KCNN2: variants seen among roughly 807,000 people sequenced by gnomAD.
KCNN2 encodes the protein small conductance calcium-activated potassium channel protein 2.
KCNN2 carries 24 observed loss-of-function variants against 55.5 expected under a neutral mutation model. The observed-to-expected ratio is 0.43, with a 90% CI of 0.31 to 0.61. The LOEUF is 0.61. Among genes scored for constraint, KCNN2 ranks in the 20% least tolerant of loss-of-function variants. The pLI is 0.08. For missense variants in KCNN2, 754 were observed against 853.6 expected (o/e 0.88, Z 1.45); for synonymous variants, 431 against 336.1 (o/e 1.28, Z -3.09).
In KCNN2 at chr5:114,285,525, A is replaced by G. The variant is rs6896550; in HGVS notation, c.-185+63960A>G. ...CATTTCTTGGAAATCCTTAAGTGCC[A>G]TACCAAGGAACCTGGATTGTCTCCT... On this transcript the variant is annotated intron_variant, in intron 2 of 10. Transcript: ENST00000512097. Among the ~76,000 whole-genome samples, 774 of 152,298 alleles carry G rather than the reference A, an allele frequency of 5.1e-3. 13 individuals are homozygous for G. The highest frequency in any genetic ancestry group is 0.016 in the African/African-American group (684 of 41,570).
At chr5:114,281,591 GTCTC>G (rs146112749) in intron 2 of KCNN2, among the ~76,000 whole-genome samples, 89 of 147,178 alleles carry the variant, frequency 6.0e-4, no homozygotes, top group African/African-American at 1.8e-3. Flanking sequence ...GTCAATCTCT[GTCTC>G]TCTCTCTCTC....
At chr5:114,212,015 TG>T (rs1192733581) in intron 1 of KCNN2, among the ~76,000 whole-genome samples, 1 of 151,516 alleles carries the variant, frequency 6.6e-6, no homozygotes, top group African/African-American at 2.4e-5. Context: ...TATATGAGCA[TG>T]TACTTATTAC....
intron 1 of KCNN2, chr5:114,056,534 C>A (rs1350534419): frequency 2.5e-6 from 1 of 397,460 alleles, no homozygotes; most frequent in Non-Finnish European, 4.4e-6. Flanking sequence ...TTGACTAGGG[C>A]CACAGATTTA....
At chr5:114,381,471 G>A (rs1758123860) in intron 2 of KCNN2, among the ~76,000 whole-genome samples, 2 of 152,150 alleles carry the variant, frequency 1.3e-5, no homozygotes, top group African/African-American at 4.8e-5. Context: ...TTTTAGGAGA[G>A]CCATGAGAAT....
At chr5:114,234,497 T>C (rs62382885) in intron 2 of KCNN2, among the ~76,000 whole-genome samples, 13,121 of 152,318 alleles carry the variant, frequency 0.086, 663 homozygotes, top group Middle Eastern at 0.14. Context: ...TATCCCATTA[T>C]ATTGAACTAA....
chr5:114,338,609 A>G (rs957682091), intron 2 of KCNN2, among the ~76,000 whole-genome samples: 3 of 152,354 alleles, frequency 2.0e-5, no homozygotes, highest in Middle Eastern at 3.4e-3. Context: ...ATTATTCTAC[A>G]TCACCATATG....
chr5:114,398,264 A>T (rs1309892257), intron 2 of KCNN2, among the ~76,000 whole-genome samples: 1 of 152,188 alleles, frequency 6.6e-6, no homozygotes, highest in African/African-American at 2.4e-5. Flanking sequence ...CGGTTTTCCC[A>T]GTACCATGTA....
At chr5:114,478,992 A>G (rs145872680) in intron 5 of KCNN2, among the ~76,000 whole-genome samples, 5 of 152,092 alleles carry the variant, frequency 3.3e-5, no homozygotes, top group East Asian at 1.9e-4. Flanking sequence ...CAAATAAGCA[A>G]CTCTTCAAAA....
intron 3 of KCNN2, among the ~76,000 whole-genome samples, chr5:114,415,895 T>G (rs192396302): frequency 6.6e-6 from 1 of 152,204 alleles, no homozygotes; most frequent in South Asian, 2.1e-4. Flanking sequence ...TCTAAGTCAG[T>G]CTTGCCTTGC....
intron 1 of KCNN2, among the ~76,000 whole-genome samples, chr5:114,106,686 G>A (rs1001758675): frequency 8.4e-5 from 12 of 142,018 alleles, no homozygotes; most frequent in Non-Finnish European, 1.7e-4. Context: ...TTTTGTGTGT[G>A]TGTGTGAAAT....
intron 1 of KCNN2, among the ~76,000 whole-genome samples, chr5:114,163,517 A>G (rs1390094545): frequency 1.3e-5 from 2 of 152,218 alleles, no homozygotes; most frequent in Non-Finnish European, 2.9e-5. Flanking sequence ...AATTTTATCA[A>G]AAGCCTTTTC....
At chr5:114,249,211 G>A (rs1479454344) in intron 2 of KCNN2, among the ~76,000 whole-genome samples, 1 of 151,738 alleles carries the variant, frequency 6.6e-6, no homozygotes, top group East Asian at 1.9e-4. Flanking sequence ...TTAAAGTTCT[G>A]TAGACCACAT....
intron 3 of KCNN2, among the ~76,000 whole-genome samples, chr5:114,418,869 T>TAA (rs1759385333): frequency 6.6e-6 from 1 of 152,208 alleles, no homozygotes; most frequent in South Asian, 2.1e-4. Flanking sequence ...GCAGAACTTC[T>TAA]GCTAATTCCC....
chr5:114,280,589 T>C (rs1755604102), intron 2 of KCNN2, among the ~76,000 whole-genome samples: 1 of 152,194 alleles, frequency 6.6e-6, no homozygotes, highest in African/African-American at 2.4e-5. Context: ...TTTGTCTGGT[T>C]TGTCAAAGAT....
intron 1 of KCNN2, among the ~76,000 whole-genome samples, chr5:114,201,332 G>C (rs1230695976): frequency 1.3e-5 from 2 of 152,114 alleles, no homozygotes; most frequent in African/African-American, 4.8e-5. Flanking sequence ...TAAGAGGGTA[G>C]TGGCTGCAGC....
intron 4 of KCNN2, among the ~76,000 whole-genome samples, chr5:114,472,739 G>A (rs35211026): frequency 0.11 from 17,410 of 152,098 alleles, 1,246 homozygotes; most frequent in Middle Eastern, 0.17. Flanking sequence ...ATAATTATAG[G>A]TATATAACTG....
intron 7 of KCNN2, among the ~76,000 whole-genome samples, chr5:114,494,492 G>T (rs541164830): frequency 6.6e-6 from 1 of 151,442 alleles, no homozygotes; most frequent in East Asian, 1.9e-4. Context: ...AAAGTATGAG[G>T]ACATCCTCGA....
At chr5:114,226,577 TTAA>T (rs1754240772) in intron 2 of KCNN2, among the ~76,000 whole-genome samples, 1 of 152,150 alleles carries the variant, frequency 6.6e-6, no homozygotes, top group African/African-American at 2.4e-5. Context: ...GCCACTATTG[TTAA>T]TAATAAAAGT....
At chr5:114,247,202 C>CAAAAAAAAAA (rs370172975) in intron 2 of KCNN2, among the ~76,000 whole-genome samples, 308 of 67,666 alleles carry the variant, frequency 4.6e-3, no homozygotes, top group Middle Eastern at 0.014. Flanking sequence ...CATATGTCTC[C>CAAAAAAAAAA]AAAAAAAAAA....
Sources: gnomAD v4.1 joint callset for allele counts (sites outside exome capture counted in the v4.1 genomes callset) on GRCh38, gnomAD v4.1.1 for gene constraint, MANE v1.5 for transcripts, NCBI Gene and HGNC (gene_info 2026-07-23, HGNC 2026-07-21) for gene names.